SHTN1: variants seen among roughly 807,000 people sequenced by gnomAD.
The protein encoded by SHTN1 is shootin 1.
SHTN1 carries 42 observed loss-of-function variants against 83.1 expected under a neutral mutation model. The observed-to-expected ratio is 0.51, with a 90% confidence interval of 0.39 to 0.65. SHTN1 has a LOEUF of 0.65. SHTN1 is among the 30% of genes least tolerant of loss of function. SHTN1 has a pLI of 0.00. For synonymous variants in SHTN1, 224 were observed against 247.7 expected (o/e 0.90, Z 0.90); for missense variants, 622 against 737.8 (o/e 0.84, Z 1.82).
At position 116,899,546 on chromosome 10, in the gene SHTN1, T is replaced by TGTGA. The variant is rs1311755308; in HGVS notation, c.1673+2218_1673+2219insTCAC. Among the ~76,000 whole-genome samples the TGTGA allele has an allele frequency of 2.1e-3, 262 of 123,884 alleles. 1 individual carries two copies. The highest frequency in any genetic ancestry group is 7.0e-3 in the African/African-American group (240 of 34,438). The allele number at this position is 123,884 out of a possible 152,430, so 81.3% of individuals were successfully genotyped here. ...GTGTGTGTGTGTGTGTGTGTGTGTG[T>TGTGA]GAGAGAGTGCATGCATACATATGTT... On this transcript the variant is annotated intron_variant, in intron 16 of 16. Transcript: ENST00000355371.
intron 1 of SHTN1, among the ~76,000 whole-genome samples, chr10:117,093,094 C>T (rs1464654226): frequency 1.3e-5 from 2 of 152,186 alleles, no homozygotes; most frequent in African/African-American, 4.8e-5. Context: ...TATCTACTAT[C>T]ATTAGTATTA....
chr10:117,077,531 G>C (rs1853178740), intron 1 of SHTN1, among the ~76,000 whole-genome samples: 1 of 151,998 alleles, frequency 6.6e-6, no homozygotes, highest in Non-Finnish European at 1.5e-5. Flanking sequence ...ACAACGTGCA[G>C]GTTTGTTACA....
At chr10:116,969,912 A>T (rs2133460597) in intron 2 of SHTN1, among the ~76,000 whole-genome samples, 1 of 152,340 alleles carries the variant, frequency 6.6e-6, no homozygotes, top group Admixed American at 6.5e-5. Context: ...AGTAATTTTA[A>T]ATGTATTATC....
At chr10:117,022,338 T>C (rs1852275259) in intron 2 of SHTN1, among the ~76,000 whole-genome samples, 1 of 152,170 alleles carries the variant, frequency 6.6e-6, no homozygotes, top group Non-Finnish European at 1.5e-5. Flanking sequence ...TTACTAAAGC[T>C]ACAGTGACTT....
At chr10:117,006,241 T>TG (rs956791070), upstream of SHTN1, among the ~76,000 whole-genome samples, 14 of 4,110 alleles carry the variant, frequency 3.4e-3, no homozygotes, top group Non-Finnish European at 0.14. Flanking sequence ...TTTTTTTTTG[T>TG]TTTTTTTTTG....
chr10:116,929,116 T>C (rs1848855149), intron 10 of SHTN1, among the ~76,000 whole-genome samples: 1 of 152,234 alleles, frequency 6.6e-6, no homozygotes, highest in Admixed American at 6.5e-5. Flanking sequence ...ACATGGTTCT[T>C]CTGCATAGGT....
chr10:117,039,647 A>C (rs1052523962), intron 2 of SHTN1, among the ~76,000 whole-genome samples: 4 of 151,930 alleles, frequency 2.6e-5, no homozygotes, highest in African/African-American at 9.7e-5. Flanking sequence ...AGGTCAGGAG[A>C]TCAAGACCAT....
At chr10:117,037,160 T>TAG (rs2133577319) in intron 2 of SHTN1, among the ~76,000 whole-genome samples, 1 of 152,254 alleles carries the variant, frequency 6.6e-6, no homozygotes, top group East Asian at 1.9e-4. Context: ...CATTTATAGC[T>TAG]AGACATCATG....
chr10:116,904,834 A>G (rs1847896987), intron 15 of SHTN1, among the ~76,000 whole-genome samples: 1 of 152,234 alleles, frequency 6.6e-6, no homozygotes, highest in Non-Finnish European at 1.5e-5. Flanking sequence ...TTCTGGAGAA[A>G]CGAAAAAGCC....
At chr10:116,900,681 A>G in intron 16 of SHTN1, 1 of 1,466,452 alleles carries the variant, frequency 6.8e-7, no homozygotes. Context: ...ATTAGGTGTT[A>G]AACAAATTTA....
chr10:116,963,132 C>T (rs1348810936), intron 3 of SHTN1, among the ~76,000 whole-genome samples: 3 of 120,550 alleles, frequency 2.5e-5, no homozygotes, highest in East Asian at 5.3e-4. Flanking sequence ...AGTGCAGTGG[C>T]GCAATCTCGG....
At chr10:117,105,344 C>T (rs758060159) in intron 1 of SHTN1, among the ~76,000 whole-genome samples, 11 of 152,186 alleles carry the variant, frequency 7.2e-5, no homozygotes, top group Non-Finnish European at 1.3e-4. Context: ...TATCCATTAA[C>T]AGGTATGCTT....
At chr10:116,916,794 G>A (rs1286071811) in intron 12 of SHTN1, among the ~76,000 whole-genome samples, 3 of 152,160 alleles carry the variant, frequency 2.0e-5, no homozygotes, top group Non-Finnish European at 2.9e-5. Context: ...CACAATAAGG[G>A]ATCACTGCTA....
At chr10:117,062,253 T>C (rs957230938) in intron 1 of SHTN1, among the ~76,000 whole-genome samples, 5 of 152,262 alleles carry the variant, frequency 3.3e-5, no homozygotes, top group African/African-American at 4.8e-5. Context: ...ATATGATTTA[T>C]AGGTAAAAGT....
intron 16 of SHTN1, among the ~76,000 whole-genome samples, chr10:116,893,150 C>T (rs1847391518): frequency 6.6e-6 from 1 of 152,088 alleles, no homozygotes; most frequent in Non-Finnish European, 1.5e-5. Context: ...TTGCTGTTTG[C>T]ACAGCAACTC....
chr10:117,067,297 T>C (rs961482934), intron 1 of SHTN1, among the ~76,000 whole-genome samples: 5 of 152,152 alleles, frequency 3.3e-5, no homozygotes, highest in East Asian at 1.9e-4. Context: ...ATTTACATGT[T>C]AGAAAGATCC....
chr10:117,107,703 T>G (rs1206506197), intron 1 of SHTN1, among the ~76,000 whole-genome samples: 1 of 152,162 alleles, frequency 6.6e-6, no homozygotes, highest in African/African-American at 2.4e-5. Flanking sequence ...GGGAAACTCA[T>G]GGACTGGACT....
chr10:117,069,614 T>C (rs74159035), intron 1 of SHTN1, among the ~76,000 whole-genome samples: 2,740 of 152,312 alleles, frequency 0.018, 95 homozygotes, highest in African/African-American at 0.062. Flanking sequence ...AAGTGTTACA[T>C]TACTATTATT....
chr10:117,093,464 G>A (rs745581129), intron 1 of SHTN1, among the ~76,000 whole-genome samples: 3 of 152,126 alleles, frequency 2.0e-5, no homozygotes, highest in Non-Finnish European at 4.4e-5. Context: ...AGGATAAGCC[G>A]AGATCATGCC....
Sources: gnomAD v4.1 joint callset for allele counts (sites outside exome capture counted in the v4.1 genomes callset) on GRCh38, gnomAD v4.1.1 for gene constraint, MANE v1.5 for transcripts, NCBI Gene and HGNC (gene_info 2026-07-23, HGNC 2026-07-21) for gene names.